Variants in LHFPL6 observed in about 807,000 individuals in gnomAD.
LHFPL6 encodes the protein LHFPL tetraspan subfamily member 6 protein.
A neutral mutation model predicts 20.6 loss-of-function variants in LHFPL6; 9 were observed. The ratio of observed to expected loss-of-function variants is 0.44; its 90% confidence interval spans 0.26 to 0.76. The LOEUF (loss-of-function observed/expected upper bound fraction) is 0.76, where lower values mean the gene tolerates loss of function less well. Ranked by LOEUF, LHFPL6 falls within the 30% of genes least tolerant of loss-of-function variation. The pLI is 0.20. For missense variants in LHFPL6, 218 were observed against 253.5 expected (o/e 0.86, Z 0.95); for synonymous variants, 105 against 98.7 (o/e 1.06, Z -0.38).
At chr13:39,383,544 C>G (rs1870492124) in intron 2 of LHFPL6, among the ~76,000 whole-genome samples, 2 of 152,234 alleles carry the variant, frequency 1.3e-5, no homozygotes, top group South Asian at 4.1e-4. Flanking sequence ...ATTTCCATAA[C>G]TGTAGTTCTA....
intron 2 of LHFPL6, among the ~76,000 whole-genome samples, chr13:39,538,278 C>A (rs1488966254): frequency 6.6e-6 from 1 of 151,550 alleles, no homozygotes; most frequent in African/African-American, 2.4e-5. Flanking sequence ...ACGTGAGCCA[C>A]CACGCCCAGC....
At chr13:39,583,743 T>C (rs556754835) in intron 2 of LHFPL6, among the ~76,000 whole-genome samples, 11 of 152,328 alleles carry the variant, frequency 7.2e-5, no homozygotes, top group South Asian at 6.2e-4. Context: ...CAGCAACTCC[T>C]GGTTCATACC....
At chr13:39,397,478 T>A (rs1018908339) in intron 2 of LHFPL6, among the ~76,000 whole-genome samples, 2 of 152,254 alleles carry the variant, frequency 1.3e-5, no homozygotes, top group Non-Finnish European at 2.9e-5. Flanking sequence ...ATAATTTATA[T>A]TTAAATAGCT....
At chr13:39,430,416 C>A (rs923392618) in intron 2 of LHFPL6, among the ~76,000 whole-genome samples, 1 of 152,234 alleles carries the variant, frequency 6.6e-6, no homozygotes, top group African/African-American at 2.4e-5. Flanking sequence ...GGCAGCCCAA[C>A]TTTTCCCTCT....
In LHFPL6 at chr13:39,590,724, T is replaced by A. The variant is rs537829579; in HGVS notation, c.385+10108A>T. ...TCATTGATATGTAAGTATGATATGATACACAGAATGATGTAAAGATCTCTT... is the reference window on the plus strand; with the variant it reads ...TCATTGATATGTAAGTATGATATGAAACACAGAATGATGTAAAGATCTCTT... On this transcript the variant is annotated intron_variant, in intron 2 of 3. Transcript: ENST00000379589. Among the ~76,000 whole-genome samples the A allele has an allele frequency of 2.6e-5, 4 of 152,366 alleles. No individual in the cohort carries two copies. In the East Asian group the frequency reaches 7.7e-4, roughly 29 times the overall value.
chr13:39,495,805 A>T (rs6563709), intron 2 of LHFPL6, among the ~76,000 whole-genome samples: 60 of 120,336 alleles, frequency 5.0e-4, no homozygotes, highest in East Asian at 1.4e-3. Flanking sequence ...TTTTTTTTTT[A>T]GTAATTCACC....
intron 3 of LHFPL6, among the ~76,000 whole-genome samples, chr13:39,347,393 G>A: frequency 6.6e-6 from 1 of 152,354 alleles, no homozygotes; most frequent in East Asian, 1.9e-4. Flanking sequence ...CAGAAAGGAA[G>A]CAAACCGGGC....
intron 2 of LHFPL6, among the ~76,000 whole-genome samples, chr13:39,571,702 C>T (rs1411964623): frequency 6.6e-6 from 1 of 152,228 alleles, no homozygotes; most frequent in Non-Finnish European, 1.5e-5. Context: ...CACAACAAGG[C>T]AAGAGGCCAA....
chr13:39,475,987 G>T lies in LHFPL6; in HGVS notation c.386-97461C>A, dbSNP rs185361956. Among the ~76,000 whole-genome samples, 32 of 152,230 alleles carry T rather than the reference G, an allele frequency of 2.1e-4. 1 individual carries two copies. The highest frequency in any genetic ancestry group is 2.9e-5 in the Non-Finnish European group (2 of 68,020). On this transcript the variant is annotated intron_variant, in intron 2 of 3. Transcript: ENST00000379589. ...AAAAAATAATGTAGGTAATGAGTAT[G>T]TGCATATATTTGTGTCCTGACTATA...
At chr13:39,531,097 T>C (rs1870451880) in intron 2 of LHFPL6, among the ~76,000 whole-genome samples, 1 of 152,240 alleles carries the variant, frequency 6.6e-6, no homozygotes, top group Admixed American at 6.5e-5. Flanking sequence ...AGTTAACTCA[T>C]GCCAAGGTCA....
chr13:39,586,891 T>C (rs1231243822), intron 2 of LHFPL6, among the ~76,000 whole-genome samples: 1 of 152,162 alleles, frequency 6.6e-6, no homozygotes, highest in Non-Finnish European at 1.5e-5. Flanking sequence ...GCACGGTGGC[T>C]CACGCCTGTA....
At chr13:39,602,356 G>GT (rs111270685) in intron 1 of LHFPL6, among the ~76,000 whole-genome samples, 4,729 of 152,018 alleles carry the variant, frequency 0.031, 250 homozygotes, top group African/African-American at 0.11. Flanking sequence ...GCCCCTACCC[G>GT]TTTTTTTCTC....
chr13:39,527,211 C>A (rs1227344369), intron 2 of LHFPL6, among the ~76,000 whole-genome samples: 1 of 152,208 alleles, frequency 6.6e-6, no homozygotes, highest in Non-Finnish European at 1.5e-5. Context: ...TGAATGATGA[C>A]TGTAAGATGC....
intron 2 of LHFPL6, among the ~76,000 whole-genome samples, chr13:39,600,248 G>A (rs190967084): frequency 6.6e-6 from 1 of 152,220 alleles, no homozygotes; most frequent in East Asian, 1.9e-4. Flanking sequence ...GACCTAACAA[G>A]GTAATTAAGT....
intron 3 of LHFPL6, among the ~76,000 whole-genome samples, chr13:39,368,286 G>GAAA (rs57555048): frequency 1.6e-4 from 24 of 148,670 alleles, no homozygotes; most frequent in South Asian, 2.2e-4. Context: ...GGCGGTGGAG[G>GAAA]AAAAAAAAAA....
chr13:39,445,015 C>A (rs868625600), intron 2 of LHFPL6, among the ~76,000 whole-genome samples: 4 of 152,210 alleles, frequency 2.6e-5, no homozygotes, highest in Non-Finnish European at 4.4e-5. Context: ...AATGTCATTA[C>A]CTCAGGAGTG....
At chr13:39,541,497 C>T (rs751214360) in intron 2 of LHFPL6, among the ~76,000 whole-genome samples, 1 of 152,084 alleles carries the variant, frequency 6.6e-6, no homozygotes, top group Non-Finnish European at 1.5e-5. Context: ...GCCTTCACTC[C>T]CTACCTGCAG....
chr13:39,498,169 C>T (rs1869162038), intron 2 of LHFPL6, among the ~76,000 whole-genome samples: 2 of 152,280 alleles, frequency 1.3e-5, no homozygotes, highest in African/African-American at 2.4e-5. Flanking sequence ...GTGATTACTC[C>T]CAAACCACTC....
At chr13:39,415,191 T>G (rs1871318800) in intron 2 of LHFPL6, among the ~76,000 whole-genome samples, 1 of 152,150 alleles carries the variant, frequency 6.6e-6, no homozygotes, top group Non-Finnish European at 1.5e-5. Flanking sequence ...ATGACTGAGC[T>G]GGTGGGATCA....
Sources: gnomAD v4.1 joint callset for allele counts (sites outside exome capture counted in the v4.1 genomes callset) on GRCh38, gnomAD v4.1.1 for gene constraint, MANE v1.5 for transcripts, NCBI Gene and HGNC (gene_info 2026-07-23, HGNC 2026-07-21) for gene names.